ATP1A2: variants seen among roughly 807,000 people sequenced by gnomAD.
ATP1A2 encodes sodium/potassium-transporting ATPase subunit alpha-2.
Under a neutral mutation model 113.1 loss-of-function variants are expected in ATP1A2, and 56 were observed. The observed-to-expected ratio is 0.49, with a 90% CI of 0.40 to 0.62. The LOEUF (loss-of-function observed/expected upper bound fraction) is 0.62, where lower values mean the gene tolerates loss of function less well. Ranked by LOEUF, ATP1A2 falls within the 20% of genes least tolerant of loss-of-function variation. ATP1A2 has a pLI of 0.00. For missense variants in ATP1A2, 712 were observed against 1,357.8 expected, an observed-to-expected ratio of 0.52 and a Z score of 7.47; for synonymous variants, 490 against 526.8, an observed-to-expected ratio of 0.93 and a Z score of 0.96.
chr1:160,130,316 C>G (rs554332857), intron 12 of ATP1A2, 25 bp downstream of exon 12: 7 of 1,613,930 alleles, frequency 4.3e-6, no homozygotes, highest in Non-Finnish European at 5.9e-6. Flanking sequence ...ACAGGAGGCT[C>G]AGAAGGGGAT....
At chr1:160,130,362 T>G (rs1473296521) in intron 12 of ATP1A2, 60 bp from the exon 13 acceptor site, 1 of 1,614,070 alleles carries the variant, frequency 6.2e-7, no homozygotes, top group African/African-American at 1.3e-5. Context: ...GGTGGGGGAC[T>G]GTGGGGGCGT....
rs1286260680 is a variant in ATP1A2 at position 160,119,010 on chromosome 1, G to GAA, written c.13-1896_13-1895insAA. Among the ~76,000 whole-genome samples the GAA allele has an allele frequency of 1.3e-5, 2 of 151,932 alleles. 1 individual carries two copies. On this transcript the variant is annotated intron_variant, in intron 1 of 22. Coordinates refer to ENST00000361216, the MANE Select transcript of ATP1A2 (RefSeq NM_000702.4). ...CAAACCCATAGAATGTACACCAAGAGTGAACTCAAACTTAAACTATGGGCT... is the reference window on the plus strand; with the variant it reads ...CAAACCCATAGAATGTACACCAAGAGAATGAACTCAAACTTAAACTATGGGCT...
At chr1:160,127,846 C>A in intron 8 of ATP1A2, 26 bp downstream of exon 8, 4 of 1,565,446 alleles carry the variant, frequency 2.6e-6, no homozygotes, top group Non-Finnish European at 3.5e-6. Flanking sequence ...TGAGGTGCCA[C>A]CAGGGGAGGG....
At chr1:160,124,480 G>A (rs1284917771) in intron 6 of ATP1A2, 50 bp downstream of exon 6, 3 of 1,569,142 alleles carry the variant, frequency 1.9e-6, no homozygotes, top group Non-Finnish European at 2.6e-6. Flanking sequence ...AGAAGGCTGT[G>A]TGCAGAGCTG....
In ATP1A2 at chr1:160,124,044, C is replaced by T; in HGVS notation, c.483C>T (p.Asn161=). ...CCAAGATCATGGATTCCTTCAAGAA[C>T]ATGGTACCTCAGGTAAGATGGCAGG... ...KSSKIMDSFK[N]MVPQQALVIR... is the part of the protein sequence containing the mutation. The change falls in exon 5 of 23, where the codon AAC becomes AAT. Residue 161 remains asparagine, a synonymous_variant. Coordinates refer to ENST00000361216, the MANE Select transcript of ATP1A2 (RefSeq NM_000702.4). 1 of 1,614,182 alleles carries T rather than the reference C, an allele frequency of 6.2e-7. No individual in the cohort carries two copies. The highest frequency in any genetic ancestry group is 8.5e-7 in the Non-Finnish European group (1 of 1,180,010).
chr1:160,122,420 GA>G (rs112709297), intron 3 of ATP1A2, among the ~76,000 whole-genome samples: 24,476 of 137,066 alleles, frequency 0.18, 2,136 homozygotes, highest in South Asian at 0.32. Context: ...ATGAATGAAT[GA>G]AAAAAAAAAA....
intron 7 of ATP1A2, among the ~76,000 whole-genome samples, chr1:160,125,941 C>T (rs1287778928): frequency 6.6e-6 from 1 of 152,188 alleles, no homozygotes; most frequent in African/African-American, 2.4e-5. Context: ...AGAGTCAGGG[C>T]TGCATCAGAG....
At chr1:160,141,170 C>A (rs1343283944) in intron 22 of ATP1A2, 124 bp from the exon 23 acceptor site, 33 of 1,165,494 alleles carry the variant, frequency 2.8e-5, no homozygotes, top group African/African-American at 6.0e-5. Flanking sequence ...TAAGCCACTT[C>A]CCCCAGTGCC....
In ATP1A2 at chr1:160,124,334, C is replaced by A. The variant is rs1199202628; in HGVS notation, c.534C>A (p.Ile178=). 5.6e-6 allele frequency: 9 copies of A among 1,611,476 alleles called. No homozygotes were observed. In the South Asian group the frequency reaches 7.7e-5, roughly 14 times the overall value. ...TCCGGGAGGGAGAGAAGATGCAGAT[C>A]AACGCAGAGGAAGTGGTGGTGGGAG... The part of the protein sequence containing the change: ...LVIREGEKMQ[I]NAEEVVVGDL... Residue 178 remains isoleucine (I), a synonymous_variant, in exon 6 of 23, where the codon ATC becomes ATA. Coordinates refer to ENST00000361216, the MANE Select transcript of ATP1A2 (RefSeq NM_000702.4).
At chr1:160,131,497 C>T (rs1168585704) in intron 13 of ATP1A2, among the ~76,000 whole-genome samples, 1 of 152,108 alleles carries the variant, frequency 6.6e-6, no homozygotes, top group African/African-American at 2.4e-5. Flanking sequence ...CATAACCACT[C>T]TGTCTCCGAG....
chr1:160,128,941 A>C, intron 9 of ATP1A2, 39 bp from the exon 10 acceptor site: 1 of 1,595,322 alleles, frequency 6.3e-7, no homozygotes, highest in Non-Finnish European at 8.5e-7. Flanking sequence ...AAGGCTCTAA[A>C]GGGAGCCACG....
intron 7 of ATP1A2, among the ~76,000 whole-genome samples, chr1:160,125,813 C>T (rs909278408): frequency 1.3e-5 from 2 of 152,204 alleles, no homozygotes; most frequent in African/African-American, 2.4e-5. Context: ...TGCCCCATCC[C>T]TGTTCTGGGT....
intron 1 of ATP1A2, among the ~76,000 whole-genome samples, chr1:160,117,290 G>A (rs1032422213): frequency 9.9e-5 from 15 of 152,136 alleles, no homozygotes; most frequent in African/African-American, 3.4e-4. Context: ...CTGAGAAGAG[G>A]CAGGGGTTAA....
intron 7 of ATP1A2, among the ~76,000 whole-genome samples, chr1:160,126,322 T>G (rs1244091118): frequency 6.6e-6 from 1 of 152,214 alleles, no homozygotes; most frequent in African/African-American, 2.4e-5. Context: ...TTTTTAAATT[T>G]GTATTATTTT....
At chr1:160,132,981 T>C (rs909146958) in intron 13 of ATP1A2, among the ~76,000 whole-genome samples, 2 of 151,994 alleles carry the variant, frequency 1.3e-5, no homozygotes, top group African/African-American at 4.8e-5. Flanking sequence ...CATGACCACC[T>C]AGAAAGGCAG....
chr1:160,137,528 G>A (rs78059895), intron 20 of ATP1A2, among the ~76,000 whole-genome samples: 5,169 of 152,264 alleles, frequency 0.034, 114 homozygotes, highest in African/African-American at 0.05. Flanking sequence ...TATGAGGTGG[G>A]TATTACTGTT....
At chr1:160,126,839 ATGCCTAGTAATACATTCCTAT>A (rs1419378550) in intron 7 of ATP1A2, among the ~76,000 whole-genome samples, 3 of 152,200 alleles carry the variant, frequency 2.0e-5, no homozygotes, top group Admixed American at 1.3e-4. Flanking sequence ...TTATTCAGAA[ATGCCTAGTAATACATTCCTAT>A]TGCTTACTCT....
intron 3 of ATP1A2, among the ~76,000 whole-genome samples, chr1:160,122,144 C>T (rs917135766): frequency 2.6e-5 from 4 of 152,152 alleles, no homozygotes; most frequent in African/African-American, 9.7e-5. Flanking sequence ...AACAAGCAAA[C>T]AAACAGACAA....
intron 3 of ATP1A2, among the ~76,000 whole-genome samples, chr1:160,122,781 C>T (rs1163495512): frequency 1.3e-5 from 2 of 152,032 alleles, no homozygotes; most frequent in Non-Finnish European, 2.9e-5. Context: ...ATAATTGCAC[C>T]ACTGCGCTCC....
Sources: gnomAD v4.1 joint callset for allele counts (sites outside exome capture counted in the v4.1 genomes callset) on GRCh38, gnomAD v4.1.1 for gene constraint, MANE v1.5 for transcripts, NCBI Gene and HGNC (gene_info 2026-07-23, HGNC 2026-07-21) for gene names.